Variants in CAMKK2 observed in about 807,000 individuals in gnomAD.
CAMKK2 encodes the protein calcium/calmodulin dependent protein kinase kinase 2.
A neutral mutation model predicts 67.2 loss-of-function variants in CAMKK2; 30 were observed. That is an observed-to-expected ratio of 0.45 (90% CI 0.33 to 0.61). The LOEUF (loss-of-function observed/expected upper bound fraction) is 0.61, where lower values mean the gene tolerates loss of function less well. CAMKK2 is among the 20% of genes least tolerant of loss of function. The probability of loss-of-function intolerance (pLI) is 0.02; values close to 1 mark genes in which losing one functional copy is unlikely to be tolerated. For missense variants in CAMKK2, 643 were observed against 802.0 expected (o/e 0.80, Z 2.39); for synonymous variants, 322 against 326.2 (o/e 0.99, Z 0.14).
In CAMKK2 at chr12:121,250,351, G is replaced by T. The variant is rs369929273; in HGVS notation, c.1162-317C>A. Among the ~76,000 whole-genome samples the T allele has an allele frequency of 9.8e-4, 149 of 152,312 alleles. 2 individuals carry two copies. In the South Asian group the frequency reaches 0.024, roughly 24 times the overall value. On this transcript the variant is annotated intron_variant, in intron 11 of 16. Transcript: ENST00000404169. ...AGCAAACACTGCTCGTCACCTACTT[G>T]CCAGGTGAACAACAGGAACAACAAG...
chr12:121,252,860 C>T, intron 10 of CAMKK2, 146 bp from the exon 11 acceptor site: 1 of 753,050 alleles, frequency 1.3e-6, no homozygotes, highest in East Asian at 2.7e-5. Flanking sequence ...GGGGCAGGCA[C>T]AGGATCCAGG....
At chr12:121,257,050 A>T (rs1892444070) in intron 7 of CAMKK2, among the ~76,000 whole-genome samples, 1 of 152,020 alleles carries the variant, frequency 6.6e-6, no homozygotes, top group South Asian at 2.1e-4. Flanking sequence ...GTCGATTTCA[A>T]AATCCAGTGG....
intron 15 of CAMKK2, among the ~76,000 whole-genome samples, 161 bp from the exon 16 acceptor site, chr12:121,244,776 T>TGG (rs1889096694): frequency 6.6e-6 from 1 of 152,182 alleles, no homozygotes; most frequent in African/African-American, 2.4e-5. Flanking sequence ...CCTCTCTGCA[T>TGG]GGACACACAG....
In CAMKK2 at chr12:121,240,619, G is replaced by A. The variant is rs1888174930; in HGVS notation, c.*80C>T. On this transcript the variant is annotated 3_prime_UTR_variant, in exon 17 of 17. Coordinates refer to ENST00000404169, the MANE Select transcript of CAMKK2 (RefSeq NM_001270485.2). The surrounding 1 kb of genome is among the most constrained non-coding windows in gnomAD (Gnocchi z 4.4). ...CTACACACGTGCTGGGTTTCCGTAG[G>A]ACATGCTGCTATGGAAACGCGGTGC... The A allele has an allele frequency of 4.6e-6, 7 of 1,534,474 alleles. No individual in the cohort carries two copies. The highest frequency in any genetic ancestry group is 6.1e-6 in the Non-Finnish European group (7 of 1,146,610).
chr12:121,281,376 C>T (rs1423448008), intron 1 of CAMKK2, among the ~76,000 whole-genome samples: 1 of 152,220 alleles, frequency 6.6e-6, no homozygotes, highest in East Asian at 1.9e-4. Flanking sequence ...ACAAAAAGGC[C>T]CAAAACAGCT....
chr12:121,242,774 G>A (rs1468073867), intron 16 of CAMKK2, among the ~76,000 whole-genome samples: 5 of 151,912 alleles, frequency 3.3e-5, no homozygotes, highest in African/African-American at 9.7e-5. Flanking sequence ...ACGGAGTCTC[G>A]CTCTGTCGCC....
At position 121,253,326 on chromosome 12, in the gene CAMKK2, C is replaced by T. The variant is rs763906764; in HGVS notation, c.1054G>A (p.Ala352Thr). ...GAGAGCGACTCGGGTGCCATGAAGGCGGGCGTGCCCACGGTGTTGGAGAGG... is the reference window on the plus strand; with the variant it reads ...GAGAGCGACTCGGGTGCCATGAAGGTGGGCGTGCCCACGGTGTTGGAGAGG... The part of the protein sequence containing the change: ...ALLSNTVGTP[A>T]FMAPESLSET... Residue 352 changes from alanine (A) to threonine (T), a missense_variant, in exon 10 of 17, where the codon GCC (alanine) becomes ACC (threonine). Ala to Thr is a moderately conservative substitution (Grantham distance 58). Transcript: ENST00000404169. This position sits in a 1 kb window ranked among gnomAD's most constrained non-coding sequence, Gnocchi z 5.0. The T allele has an allele frequency of 1.4e-5, 22 of 1,614,066 alleles. No individual in the cohort carries two copies. Among genetic ancestry groups the T allele is most frequent in the East Asian group, 4.5e-5 (2 of 44,898 alleles).
rs776216329 is a variant in CAMKK2, at chr12:121,268,694, A to G, written c.574-5T>C. ...TTTGGACAGCACCTTCATTGCCTGC[A>G]GGAAAATGAAGGACAGCACCTTTAG... On this transcript the variant is annotated splice_polypyrimidine_tract_variant and splice_region_variant and intron_variant, in intron 4 of 16. Transcript: ENST00000404169. 2 of 1,613,698 alleles carry G rather than the reference A, an allele frequency of 1.2e-6. No individual in the cohort carries two copies. Among genetic ancestry groups the G allele is most frequent in the Non-Finnish European group, 1.7e-6 (2 of 1,179,628 alleles).
intron 5 of CAMKK2, among the ~76,000 whole-genome samples, 172 bp from the exon 6 acceptor site, chr12:121,264,111 T>C (rs956557283): frequency 2.0e-5 from 3 of 152,152 alleles, no homozygotes; most frequent in African/African-American, 7.2e-5. Flanking sequence ...TCTCCTCTGC[T>C]GCTGGAAGTG....
At chr12:121,255,367 T>A (rs138896739) in intron 9 of CAMKK2, among the ~76,000 whole-genome samples, 183 bp downstream of exon 9, 2,838 of 23,126 alleles carry the variant, frequency 0.12, 755 homozygotes, top group Non-Finnish European at 0.17. Context: ...TATATATAAT[T>A]TTATATATAT....
At chr12:121,284,908 G>C (rs910251959) in intron 1 of CAMKK2, among the ~76,000 whole-genome samples, 14 of 152,202 alleles carry the variant, frequency 9.2e-5, no homozygotes, top group African/African-American at 3.4e-4. Context: ...CTTGTTTACA[G>C]CTGAATTCCC....
chr12:121,277,828 G>A (rs1041721815), intron 1 of CAMKK2, among the ~76,000 whole-genome samples: 14 of 152,222 alleles, frequency 9.2e-5, no homozygotes, highest in South Asian at 2.1e-4. Flanking sequence ...TTAGCCAGGC[G>A]TGGTGTTGGG....
At position 121,285,224 on chromosome 12, in the gene CAMKK2, C is replaced by T. The variant is rs188756788; in HGVS notation, c.-59-10639G>A. ...GGTAACTCAAGAATAGATATGAGGC[C>T]GGGCGCAGTGGTTCACGCCTGTAAT... On this transcript the variant is annotated intron_variant, in intron 1 of 16. Coordinates refer to ENST00000404169, the MANE Select transcript of CAMKK2 (RefSeq NM_001270485.2). The surrounding 1 kb of genome is among the most constrained non-coding windows in gnomAD (Gnocchi z 4.1). Among the ~76,000 whole-genome samples, 23 of 152,272 alleles carry T rather than the reference C, an allele frequency of 1.5e-4. No individual in the cohort carries two copies. Among genetic ancestry groups the T allele is most frequent in the African/African-American group, 4.1e-4 (17 of 41,556 alleles).
At position 121,274,438 on chromosome 12, in the gene CAMKK2, C is replaced by A. The variant is rs200615415; in HGVS notation, c.89G>T (p.Ser30Ile). 1 of 1,613,148 alleles carries A rather than the reference C, an allele frequency of 6.2e-7. No individual in the cohort carries two copies. Among genetic ancestry groups the A allele is most frequent in the Non-Finnish European group, 8.5e-7 (1 of 1,179,982 alleles). Residue 30 changes from serine to isoleucine, a missense_variant, in exon 2 of 17, where the codon AGC (serine) becomes ATC (isoleucine). Physicochemically the swap from Ser to Ile is moderately radical, Grantham distance 142. Coordinates refer to ENST00000404169, the MANE Select transcript of CAMKK2 (RefSeq NM_001270485.2). ...LGGRGSSSSE[S>I]QKPCEALRGL... ...CCGCAGGGCCTCACAGGGCTTCTGG[C>A]TTTCGCTGCTGCTGCTGCCCCTGCC...
rs1175298040 is a variant in CAMKK2, at chr12:121,253,889, C to T, written c.908-417G>A. ...ATACTCAACTGATTTACCAAACCGA[C>T]AATGACCTGAGCAGGCCGATTTGAA... is the stretch of plus-strand genomic sequence containing the variant. On this transcript the variant is annotated intron_variant, in intron 9 of 16. Transcript: ENST00000404169. This position sits in a 1 kb window ranked among gnomAD's most constrained non-coding sequence, Gnocchi z 5.0. Among the ~76,000 whole-genome samples, 1 of 152,170 alleles carries T rather than the reference C, an allele frequency of 6.6e-6. No individual in the cohort carries two copies. The highest frequency in any genetic ancestry group is 2.4e-5 in the African/African-American group (1 of 41,426).
At chr12:121,281,069 G>A (rs964207721) in intron 1 of CAMKK2, among the ~76,000 whole-genome samples, 1 of 152,168 alleles carries the variant, frequency 6.6e-6, no homozygotes, top group Non-Finnish European at 1.5e-5. Flanking sequence ...GGAACCTACC[G>A]ACATGTGATG....
At chr12:121,250,284 G>T (rs780297309) in intron 11 of CAMKK2, among the ~76,000 whole-genome samples, 3 of 152,136 alleles carry the variant, frequency 2.0e-5, no homozygotes, top group Non-Finnish European at 2.9e-5. Context: ...CACACTGCAG[G>T]CTCCCTCTGT....
intron 2 of CAMKK2, among the ~76,000 whole-genome samples, chr12:121,272,986 G>C (rs1896060499): frequency 6.6e-6 from 1 of 152,168 alleles, no homozygotes; most frequent in Non-Finnish European, 1.5e-5. Context: ...CTATGCACCA[G>C]GTACTGTGCT....
intron 5 of CAMKK2, among the ~76,000 whole-genome samples, chr12:121,267,838 A>G (rs1022572479): frequency 5.3e-5 from 8 of 151,892 alleles, no homozygotes; most frequent in Non-Finnish European, 1.2e-4. Context: ...CTATATACAT[A>G]TCTGATATCT....
Sources: gnomAD v4.1 joint callset for allele counts (sites outside exome capture counted in the v4.1 genomes callset) on GRCh38, gnomAD v4.1.1 for gene constraint, Gnocchi (gnomAD v3.1) non-coding constraint, MANE v1.5 for transcripts, NCBI Gene and HGNC (gene_info 2026-07-23, HGNC 2026-07-21) for gene names.